The following FHIT variants were observed in gnomAD, a reference collection of about 807,000 sequenced individuals.
FHIT encodes the protein fragile histidine triad diadenosine triphosphatase, also known as bis(5'-adenosyl)-triphosphatase.
FHIT carries 19 observed loss-of-function variants against 17.9 expected under a neutral mutation model. The observed-to-expected ratio is 1.06, with a 90% CI of 0.74 to 1.56. The LOEUF (loss-of-function observed/expected upper bound fraction) is 1.56, where lower values mean the gene tolerates loss of function less well. Ranked by LOEUF, FHIT falls within the 40% of genes most tolerant of loss-of-function variation. The pLI, the probability that FHIT is intolerant of heterozygous loss-of-function variation, is 0.00. For synonymous variants in FHIT, 81 were observed against 69.7 expected (o/e 1.16, Z -0.81); for missense variants, 248 against 189.2 (o/e 1.31, Z -1.82).
At chr3:60,351,461 T>C (rs141938736) in intron 5 of FHIT, among the ~76,000 whole-genome samples, 161 of 152,282 alleles carry the variant, frequency 1.1e-3, no homozygotes, top group African/African-American at 3.2e-3. Context: ...CTTTGACTTA[T>C]AATTTTGTCT....
intron 4 of FHIT, among the ~76,000 whole-genome samples, chr3:60,612,795 C>T (rs2038826594): frequency 6.6e-6 from 1 of 152,180 alleles, no homozygotes; most frequent in Non-Finnish European, 1.5e-5. Flanking sequence ...CCACCACTCC[C>T]ATCTCCTCAG....
chr3:60,973,361 G>C (rs2107534062), intron 3 of FHIT, among the ~76,000 whole-genome samples: 1 of 152,228 alleles, frequency 6.6e-6, no homozygotes, highest in East Asian at 1.9e-4. Context: ...CACTGAGACT[G>C]CTACAATATC....
intron 4 of FHIT, among the ~76,000 whole-genome samples, chr3:60,548,545 C>T (rs2036444906): frequency 6.6e-6 from 1 of 152,154 alleles, no homozygotes; most frequent in Admixed American, 6.5e-5. Flanking sequence ...CATCCCATTT[C>T]ATGATTTCTC....
intron 7 of FHIT, among the ~76,000 whole-genome samples, chr3:59,927,708 G>C (rs1705742599): frequency 6.6e-6 from 1 of 152,130 alleles, no homozygotes. Context: ...GGCGGAGGTT[G>C]CCGTGAGCCG....
intron 4 of FHIT, among the ~76,000 whole-genome samples, chr3:60,737,048 G>T (rs1735479): frequency 6.2e-3 from 940 of 152,264 alleles, no homozygotes; most frequent in Non-Finnish European, 0.01. Context: ...ATCCAGCAAT[G>T]GTCAACAAAT....
At chr3:60,019,698 A>G (rs958047148) in intron 5 of FHIT, among the ~76,000 whole-genome samples, 5 of 152,192 alleles carry the variant, frequency 3.3e-5, no homozygotes, top group African/African-American at 1.2e-4. Context: ...GGTTACAGGC[A>G]TGAGCCGCCG....
At chr3:60,214,526 A>G (rs1703607497) in intron 5 of FHIT, among the ~76,000 whole-genome samples, 1 of 152,162 alleles carries the variant, frequency 6.6e-6, no homozygotes, top group Non-Finnish European at 1.5e-5. Flanking sequence ...CATGCTGGTG[A>G]GGCGACAGAG....
intron 1 of FHIT, among the ~76,000 whole-genome samples, chr3:61,220,552 T>C (rs959393503): frequency 6.6e-6 from 1 of 152,204 alleles, no homozygotes; most frequent in African/African-American, 2.4e-5. Context: ...ATTCTTACTT[T>C]TGTTATTTAC....
chr3:60,137,637 G>C (rs553360627), intron 5 of FHIT, among the ~76,000 whole-genome samples: 17 of 152,264 alleles, frequency 1.1e-4, no homozygotes, highest in African/African-American at 4.1e-4. Context: ...TGTCCTTGTA[G>C]GCAACAATAC....
chr3:61,051,936 A>T lies in FHIT; in HGVS notation c.-163-9837T>A, dbSNP rs187503250. ...ATACACATATTCTAGTAATTTCCAC[A>T]CACCATCAGAAGATAGAAGATGGAG... On this transcript the variant is annotated intron_variant, in intron 2 of 9. Transcript: ENST00000492590. 3.8e-3 allele frequency among the ~76,000 whole-genome samples: 575 copies of T among 152,300 alleles called. 2 individuals carry two copies. The highest frequency in any genetic ancestry group is 6.8e-3 in the Middle Eastern group (2 of 294).
At chr3:59,980,113 C>T (rs999192494) in intron 7 of FHIT, among the ~76,000 whole-genome samples, 4 of 152,104 alleles carry the variant, frequency 2.6e-5, no homozygotes, top group Non-Finnish European at 5.9e-5. Context: ...TGCTCTTTTC[C>T]CCCTCTCCCT....
chr3:60,100,794 C>T (rs1704159783), intron 5 of FHIT, among the ~76,000 whole-genome samples: 1 of 152,108 alleles, frequency 6.6e-6, no homozygotes, highest in Admixed American at 6.6e-5. Flanking sequence ...GACACACCAT[C>T]ATCTATGTCA....
At chr3:60,927,490 G>A (rs1279337900) in intron 3 of FHIT, among the ~76,000 whole-genome samples, 3 of 151,312 alleles carry the variant, frequency 2.0e-5, no homozygotes, top group Admixed American at 2.0e-4. Context: ...ACCCAGTCTG[G>A]GAAGTGAGGA....
intron 4 of FHIT, among the ~76,000 whole-genome samples, chr3:60,663,018 C>G (rs1316975062): frequency 6.6e-6 from 1 of 151,158 alleles, no homozygotes; most frequent in Non-Finnish European, 1.5e-5. Flanking sequence ...GCTTTTGCAT[C>G]TTTGTCAAAA....
chr3:59,821,240 A>C (rs1317068619), intron 8 of FHIT, among the ~76,000 whole-genome samples: 1 of 152,190 alleles, frequency 6.6e-6, no homozygotes, highest in Non-Finnish European at 1.5e-5. Flanking sequence ...CAAAGGAATA[A>C]ACCTGAGAAG....
intron 5 of FHIT, among the ~76,000 whole-genome samples, chr3:60,241,702 A>AG (rs755143470): frequency 2.0e-5 from 3 of 152,126 alleles, no homozygotes; most frequent in Non-Finnish European, 2.9e-5. Flanking sequence ...ATTCCCAGAT[A>AG]GGTACCGCCT....
intron 2 of FHIT, among the ~76,000 whole-genome samples, chr3:61,115,888 G>A (rs1479144089): frequency 6.6e-6 from 1 of 152,128 alleles, no homozygotes; most frequent in Non-Finnish European, 1.5e-5. Flanking sequence ...CATTCCACAA[G>A]CCAGGACTGA....
At chr3:60,814,163 C>CT (rs1442107420) in intron 4 of FHIT, among the ~76,000 whole-genome samples, 2 of 151,752 alleles carry the variant, frequency 1.3e-5, no homozygotes, top group Non-Finnish European at 2.9e-5. Context: ...GGGCTTAGGT[C>CT]TTTTTAAAAA....
intron 4 of FHIT, among the ~76,000 whole-genome samples, chr3:60,735,175 T>C (rs2042110079): frequency 1.3e-5 from 2 of 152,240 alleles, no homozygotes; most frequent in African/African-American, 4.8e-5. Flanking sequence ...CCTGTATCTT[T>C]TCTAAATTTA....
Sources: gnomAD v4.1 joint callset for allele counts (sites outside exome capture counted in the v4.1 genomes callset) on GRCh38, gnomAD v4.1.1 for gene constraint, MANE v1.5 for transcripts, NCBI Gene and HGNC (gene_info 2026-07-23, HGNC 2026-07-21) for gene names.